The following CCDC3 variants were observed in gnomAD, a reference collection of about 807,000 sequenced individuals.
CCDC3 encodes coiled-coil domain containing 3.
CCDC3 carries 24 observed loss-of-function variants against 21.4 expected under a neutral mutation model. The ratio of observed to expected loss-of-function variants is 1.12; its 90% CI spans 0.81 to 1.58. The LOEUF (loss-of-function observed/expected upper bound fraction) is 1.58. Among genes scored for constraint, CCDC3 ranks in the 40% most tolerant of loss-of-function variants. The probability of loss-of-function intolerance (pLI) is 0.00; values close to 1 mark genes in which losing one functional copy is unlikely to be tolerated. For synonymous variants in CCDC3, 186 were observed against 166.0 expected (o/e 1.12, Z -0.93); for missense variants, 425 against 360.9 (o/e 1.18, Z -1.44).
At chr10:12,933,815 T>C (rs1008761638) in intron 2 of CCDC3, among the ~76,000 whole-genome samples, 1 of 152,132 alleles carries the variant, frequency 6.6e-6, no homozygotes, top group African/African-American at 2.4e-5. Flanking sequence ...TGGCCCCTCT[T>C]TCATATTTGA....
chr10:13,074,282 C>G (rs1029987061), intron 3 of CCDC3, among the ~76,000 whole-genome samples: 2 of 147,706 alleles, frequency 1.4e-5, no homozygotes, highest in Non-Finnish European at 3.0e-5. Context: ...CTCAGCCTCC[C>G]GAGTAGCTGG....
intron 2 of CCDC3, among the ~76,000 whole-genome samples, chr10:12,901,144 C>G (rs1043572421): frequency 1.3e-5 from 2 of 152,202 alleles, no homozygotes; most frequent in Non-Finnish European, 2.9e-5. Context: ...GGGTAGGCTA[C>G]AGCCTTTGTT....
intron 2 of CCDC3, among the ~76,000 whole-genome samples, chr10:12,931,740 A>G (rs746772504): frequency 3.3e-5 from 5 of 152,180 alleles, no homozygotes; most frequent in Admixed American, 6.5e-5. Context: ...ACTGTTTTCT[A>G]TAACAGAACT....
intron 3 of CCDC3, among the ~76,000 whole-genome samples, chr10:13,081,317 G>A (rs1436338458): frequency 6.6e-6 from 1 of 151,872 alleles, no homozygotes. Flanking sequence ...TTTAGCACAG[G>A]TACCACCCCT....
chr10:13,083,524 T>A (rs550928371), intron 3 of CCDC3, among the ~76,000 whole-genome samples: 1 of 152,382 alleles, frequency 6.6e-6, no homozygotes, highest in South Asian at 2.1e-4. Flanking sequence ...TTAAGCCCTA[T>A]CCTATGTAGC....
intron 2 of CCDC3, among the ~76,000 whole-genome samples, chr10:12,961,905 G>A (rs1206778563): frequency 6.6e-6 from 1 of 152,122 alleles, no homozygotes; most frequent in Non-Finnish European, 1.5e-5. Context: ...TGAAGGGTAT[G>A]CATAGGAGGA....
intron 5 of CCDC3, among the ~76,000 whole-genome samples, chr10:13,032,706 C>G (rs539323854): frequency 6.6e-6 from 1 of 152,246 alleles, no homozygotes; most frequent in East Asian, 1.9e-4. Flanking sequence ...AACAGACAAA[C>G]AGAGAGCCAA....
At chr10:12,938,640 C>T (rs1252034786) in intron 2 of CCDC3, among the ~76,000 whole-genome samples, 1 of 152,224 alleles carries the variant, frequency 6.6e-6, no homozygotes, top group African/African-American at 2.4e-5. Flanking sequence ...AGTTAATGTG[C>T]AAAATACAGA....
chr10:12,936,150 G>A (rs1476685750), intron 2 of CCDC3, among the ~76,000 whole-genome samples: 1 of 152,054 alleles, frequency 6.6e-6, no homozygotes, highest in African/African-American at 2.4e-5. Flanking sequence ...TTGCAATGCA[G>A]GTTTACGGTC....
Position 12,946,915 on chromosome 10 carries a change from C to T in CCDC3, c.550-48236G>A, listed in dbSNP as rs186690806. 5.3e-5 allele frequency among the ~76,000 whole-genome samples: 8 copies of T among 152,240 alleles called. No homozygotes were observed. The South Asian group carries it at 1.0e-3, about 20-fold the overall frequency. The stretch of plus-strand genomic sequence containing the variant: ...TCCTGTCACTACATTCAGCCCCCTC[C>T]GCCACTAGCATAAGGGAGGATGGAA... On this transcript the variant is annotated intron_variant, in intron 2 of 2. Coordinates refer to ENST00000378825, the MANE Select transcript of CCDC3 (RefSeq NM_031455.4).
intron 2 of CCDC3, among the ~76,000 whole-genome samples, chr10:12,980,950 CCCTAG>C (rs1835487849): frequency 1.3e-5 from 2 of 152,186 alleles, no homozygotes; most frequent in South Asian, 4.1e-4. Context: ...ATAATCATGA[CCCTAG>C]CATTGGTTAC....
At chr10:13,048,712 C>T (rs1836564402) in intron 5 of CCDC3, among the ~76,000 whole-genome samples, 1 of 152,082 alleles carries the variant, frequency 6.6e-6, no homozygotes, top group African/African-American at 2.4e-5. Context: ...GTCAACTTGG[C>T]AGGTCGCTAG....
At chr10:13,011,461 C>G (rs1835983250) in intron 5 of CCDC3, among the ~76,000 whole-genome samples, 2 of 151,978 alleles carry the variant, frequency 1.3e-5, no homozygotes, top group Admixed American at 6.6e-5. Context: ...AATACAATAC[C>G]TAGGAATACA....
At chr10:13,064,260 C>T (rs2131434848) in intron 4 of CCDC3, among the ~76,000 whole-genome samples, 1 of 152,322 alleles carries the variant, frequency 6.6e-6, no homozygotes, top group Non-Finnish European at 1.5e-5. Context: ...ACTGTCCTCT[C>T]AGTTCATCCT....
intron 1 of CCDC3, 126 bp downstream of exon 1, chr10:13,001,071 C>A (rs1835841559): frequency 2.4e-6 from 3 of 1,264,530 alleles, no homozygotes; most frequent in Admixed American, 5.2e-5. Context: ...GGGTAGGCGC[C>A]CCAGGGGCAT....
Position 12,898,540 on chromosome 10 carries a change from T to C in CCDC3, c.689A>G (p.Gln230Arg). The C allele has an allele frequency of 6.2e-7, 1 of 1,614,210 alleles. No homozygotes were observed. The highest frequency in any genetic ancestry group is 8.5e-7 in the Non-Finnish European group (1 of 1,180,034). The change falls in exon 3 of 3, where the codon CAG becomes CGG. Residue 230 changes from glutamine (Q) to arginine (R), a missense_variant. Transcript: ENST00000378825. ...RVKKVKRSLR[Q>R]ARKKGRHLEL... Reference sequence around the variant, plus strand: ...CAGGTGGCGGCCCTTCTTACGCGCCTGCCGCAAGGACCTCTTGACCTTCTT... The same window carrying C: ...CAGGTGGCGGCCCTTCTTACGCGCCCGCCGCAAGGACCTCTTGACCTTCTT...
chr10:12,921,149 C>A (rs72775692), intron 2 of CCDC3, among the ~76,000 whole-genome samples: 2,054 of 152,328 alleles, frequency 0.013, 17 homozygotes, highest in Middle Eastern at 0.054. Flanking sequence ...GCCTTCTCAT[C>A]TTCTTCCATA....
intron 2 of CCDC3, among the ~76,000 whole-genome samples, chr10:12,922,715 G>T (rs1376547535): frequency 2.6e-5 from 4 of 152,018 alleles, no homozygotes; most frequent in African/African-American, 9.7e-5. Flanking sequence ...CCCCGGATGT[G>T]GTACATTGTA....
At position 13,063,681 on chromosome 10, in the gene CCDC3, A is replaced by C. The variant is rs543314530; in HGVS notation, c.-270+10187T>G. Among the ~76,000 whole-genome samples the C allele has an allele frequency of 2.0e-5, 3 of 152,326 alleles. No homozygotes were observed. The East Asian group carries it at 5.8e-4, about 29-fold the overall frequency. On this transcript the variant is annotated intron_variant, in intron 4 of 6. Transcript: ENST00000378839. ...GTTCCACCAGATGTACCACCTCTCTACAAACTCATGGAAACTCTGGGATAC... is the reference window on the plus strand; with the variant it reads ...GTTCCACCAGATGTACCACCTCTCTCCAAACTCATGGAAACTCTGGGATAC...
Sources: gnomAD v4.1 joint callset for allele counts (sites outside exome capture counted in the v4.1 genomes callset) on GRCh38, gnomAD v4.1.1 for gene constraint, MANE v1.5 for transcripts, NCBI Gene and HGNC (gene_info 2026-07-23, HGNC 2026-07-21) for gene names.